Variants in UTP20 observed in about 807,000 individuals in gnomAD.
The protein encoded by UTP20 is UTP20 small subunit processome component.
Under a neutral mutation model 329.5 loss-of-function variants are expected in UTP20, and 164 were observed. The ratio of observed to expected loss-of-function variants is 0.50; its 90% CI spans 0.44 to 0.57. UTP20 has a LOEUF of 0.57. Ranked by LOEUF, UTP20 falls within the 20% of genes least tolerant of loss-of-function variation. The pLI is 0.00. For missense variants in UTP20, 3,055 were observed against 3,284.2 expected (o/e 0.93, Z 1.71); for synonymous variants, 1,151 against 1,159.3 (o/e 0.99, Z 0.14).
intron 27 of UTP20, among the ~76,000 whole-genome samples, chr12:101,330,125 A>G (rs1868711110): frequency 6.6e-6 from 1 of 152,226 alleles, no homozygotes. Flanking sequence ...GCAAAATTTA[A>G]TGTAAGACGA....
At chr12:101,295,691 A>G (rs1224350315) in intron 12 of UTP20, 33 bp downstream of exon 12, 19 of 1,553,230 alleles carry the variant, frequency 1.2e-5, no homozygotes, top group Non-Finnish European at 1.7e-5. Flanking sequence ...TGTAATGATG[A>G]TAAGTTTACC....
chr12:101,355,910 C>T (rs914609551), intron 41 of UTP20, among the ~76,000 whole-genome samples: 1 of 152,118 alleles, frequency 6.6e-6, no homozygotes, highest in Non-Finnish European at 1.5e-5. Context: ...CACCGACACA[C>T]GTTTTATATG....
chr12:101,380,962 G>C (rs573361316), intron 57 of UTP20, among the ~76,000 whole-genome samples, 178 bp from the exon 58 acceptor site: 36 of 151,894 alleles, frequency 2.4e-4, no homozygotes, highest in Non-Finnish European at 4.4e-4. Context: ...CTTAGGGCAG[G>C]TAGAAGGGAG....
rs779969326 is a variant in UTP20 at position 101,375,612 on chromosome 12, T to C, written c.7264-12T>C. On this transcript the variant is annotated splice_polypyrimidine_tract_variant and intron_variant, in intron 55 of 61. Coordinates refer to ENST00000261637, the MANE Select transcript of UTP20 (RefSeq NM_014503.3). ...TGTTGTTTTCATTGATTTACATCCG[T>C]CTTGTTTTTAGATCATGGAAGAAAC... 1 of 1,609,466 alleles carries C rather than the reference T, an allele frequency of 6.2e-7. No homozygotes were observed. The highest frequency in any genetic ancestry group is 1.1e-5 in the South Asian group (1 of 89,308).
chr12:101,320,370 A>C (rs541910517), intron 23 of UTP20, among the ~76,000 whole-genome samples: 1 of 152,198 alleles, frequency 6.6e-6, no homozygotes, highest in African/African-American at 2.4e-5. Context: ...AGCCTGGGTA[A>C]CATGGTGAAA....
chr12:101,339,865 T>C (rs757606691), intron 31 of UTP20, among the ~76,000 whole-genome samples: 39 of 152,246 alleles, frequency 2.6e-4, no homozygotes, highest in Non-Finnish European at 2.5e-4. Flanking sequence ...AAAAGTGATA[T>C]GTTCGAATCC....
At chr12:101,363,854 T>C (rs2121006213) in intron 45 of UTP20, 111 bp downstream of exon 45, 1 of 726,504 alleles carries the variant, frequency 1.4e-6, no homozygotes, top group Non-Finnish European at 2.3e-6. Context: ...CATGATTTCC[T>C]TTGGTGATAG....
intron 43 of UTP20, among the ~76,000 whole-genome samples, chr12:101,360,734 C>A (rs1368606906): frequency 6.6e-6 from 1 of 152,122 alleles, no homozygotes; most frequent in Non-Finnish European, 1.5e-5. Context: ...GAGGCTGAGG[C>A]ATAAGAATTT....
At position 101,321,508 on chromosome 12, in the gene UTP20, A is replaced by T; in HGVS notation, c.2920A>T (p.Asn974Tyr). 6.2e-7 allele frequency: 1 copy of T among 1,612,960 alleles called. No individual in the cohort carries two copies. The highest frequency in any genetic ancestry group is 8.5e-7 in the Non-Finnish European group (1 of 1,179,432). The change falls in exon 25 of 62, where the codon AAC becomes TAC. Residue 974 changes from asparagine (N) to tyrosine (Y), a missense_variant. This residue lies in a region of UTP20 where 2,445 missense variants were observed against 2,575.5 expected (regional missense o/e 0.95). Transcript: ENST00000261637. ...KHPHVLPYRE[N>Y]LQRLLEDRSF... Reference sequence around the variant, plus strand: ...TGCTGTTCTCTGTTTTTAAAGGGAAAACTTACAAAGGTTGCTTGAAGACAG... The same window carrying T: ...TGCTGTTCTCTGTTTTTAAAGGGAATACTTACAAAGGTTGCTTGAAGACAG...
chr12:101,297,570 TA>T (rs942859572), intron 12 of UTP20, among the ~76,000 whole-genome samples: 2 of 152,206 alleles, frequency 1.3e-5, no homozygotes, highest in African/African-American at 4.8e-5. Flanking sequence ...GCTTCTCTAT[TA>T]AAATATGCCA....
intron 37 of UTP20, among the ~76,000 whole-genome samples, chr12:101,345,952 T>C (rs573950129): frequency 1.5e-3 from 234 of 152,312 alleles, no homozygotes; most frequent in African/African-American, 5.4e-3. Context: ...ATGCTTTGGG[T>C]CCATTGTTAA....
intron 40 of UTP20, among the ~76,000 whole-genome samples, chr12:101,353,527 A>G (rs1186630539): frequency 6.6e-6 from 1 of 152,196 alleles, no homozygotes. Flanking sequence ...CTAAAAATAA[A>G]TAAGTATTTG....
intron 32 of UTP20, among the ~76,000 whole-genome samples, chr12:101,340,929 T>G (rs945022149): frequency 7.4e-6 from 1 of 134,356 alleles, no homozygotes; most frequent in African/African-American, 2.6e-5. Flanking sequence ...AGAAGTGCAT[T>G]GTGTAATCTT....
At chr12:101,303,536 G>A (rs753347661) in intron 15 of UTP20, among the ~76,000 whole-genome samples, 3 of 152,166 alleles carry the variant, frequency 2.0e-5, no homozygotes, top group Non-Finnish European at 4.4e-5. Context: ...ACCTGGAGGC[G>A]ACATGAATGC....
intron 25 of UTP20, 28 bp from the exon 26 acceptor site, chr12:101,327,053 A>G: frequency 6.4e-7 from 1 of 1,568,452 alleles, no homozygotes; most frequent in Admixed American, 1.7e-5. Flanking sequence ...TTAATGTGCA[A>G]ACAAATAATG....
chr12:101,365,634 GA>G lies in UTP20; in HGVS notation c.6125+17del, dbSNP rs765991104. On this transcript the variant is annotated intron_variant, in intron 46 of 61. Transcript: ENST00000261637. The stretch of plus-strand genomic sequence containing the variant: ...TTAACAGAGAAAGAAAAGTAAGTTG[GA>G]AAAAAAACAAACTGTCATTTAGGTC... The G allele has an allele frequency of 3.9e-6, 6 of 1,541,960 alleles. No homozygotes were observed. Among genetic ancestry groups the G allele is most frequent in the South Asian group, 1.2e-5 (1 of 80,356 alleles).
chr12:101,384,599 A>G (rs1870765939), intron 60 of UTP20, among the ~76,000 whole-genome samples: 1 of 152,248 alleles, frequency 6.6e-6, no homozygotes, highest in Admixed American at 6.5e-5. Flanking sequence ...AAATAGTTTT[A>G]AAATATCATT....
At chr12:101,284,706 C>A (rs1418291168) in intron 2 of UTP20, among the ~76,000 whole-genome samples, 1 of 151,958 alleles carries the variant, frequency 6.6e-6, no homozygotes, top group African/African-American at 2.4e-5. Flanking sequence ...GTAATTGATA[C>A]CATGTTAACA....
chr12:101,290,211 T>C lies in UTP20; in HGVS notation c.672T>C (p.Val224=), dbSNP rs1454207765. 1 of 1,609,008 alleles carries C rather than the reference T, an allele frequency of 6.2e-7. No individual in the cohort carries two copies. Among genetic ancestry groups the C allele is most frequent in the East Asian group, 2.2e-5 (1 of 44,742 alleles). ...LDKHPEKVEG[V]GQLLFEMCKG... ...AACATCCAGAAAAAGTTGAAGGTGT[T>C]GGACAGTTGCTCTTTGAAATGTGCA... The change falls in exon 7 of 62, where the codon GTT becomes GTC. Residue 224 remains valine (V), a synonymous_variant. Coordinates refer to ENST00000261637, the MANE Select transcript of UTP20 (RefSeq NM_014503.3).
Sources: allele counts gnomAD v4.1 joint callset (sites outside exome capture counted in the v4.1 genomes callset), GRCh38; gene constraint gnomAD v4.1.1; regional missense constraint gnomAD v4.1.1; transcripts MANE v1.5; gene names NCBI Gene and HGNC (gene_info 2026-07-23, HGNC 2026-07-21).